The following TRIP11 variants were observed in gnomAD, a reference collection of about 807,000 sequenced individuals.
The protein encoded by TRIP11 is thyroid receptor-interacting protein 11.
Under a neutral mutation model 223.1 loss-of-function variants are expected in TRIP11, and 148 were observed. The observed-to-expected ratio is 0.66, with a 90% CI of 0.58 to 0.76. TRIP11 has a LOEUF of 0.76. TRIP11 is among the 30% of genes least tolerant of loss of function. The probability of loss-of-function intolerance (pLI) is 0.00; values close to 1 mark genes in which losing one functional copy is unlikely to be tolerated. For synonymous variants in TRIP11, 762 were observed against 772.6 expected (o/e 0.99, Z 0.23); for missense variants, 2,043 against 2,222.0 (o/e 0.92, Z 1.62).
chr14:91,992,496 A>G (rs1244564406), intron 15 of TRIP11, among the ~76,000 whole-genome samples: 1 of 152,120 alleles, frequency 6.6e-6, no homozygotes, highest in African/African-American at 2.4e-5. Flanking sequence ...AAACTTTATT[A>G]GGAAGTATAT....
chr14:91,980,990 TTATATATA>T (rs200939525), intron 16 of TRIP11, among the ~76,000 whole-genome samples: 3 of 75,384 alleles, frequency 4.0e-5, no homozygotes, highest in Non-Finnish European at 5.1e-5. Context: ...TATATGTATA[TTATATATA>T]TATATATATA....
chr14:92,015,904 A>C, intron 5 of TRIP11, 43 bp from the exon 6 acceptor site: 1 of 1,516,530 alleles, frequency 6.6e-7, no homozygotes, highest in Non-Finnish European at 8.9e-7. Flanking sequence ...ATAATCAATA[A>C]ATTTATGTAA....
At position 92,007,777 on chromosome 14, in the gene TRIP11, T is replaced by G; in HGVS notation, c.1390A>C (p.Ser464Arg). ...AAGTCATGTAATTCTGAATCCAAAC[T>G]TATGTCTCTTGTAGCTGTACTTTTA... ...VIKSTATRDISLDSELHDLRL... is the reference protein window; with the variant it reads ...VIKSTATRDIRLDSELHDLRL... The change falls in exon 10 of 21, where the codon AGT becomes CGT. Residue 464 changes from serine to arginine, a missense_variant. By Grantham distance (110) the Ser-to-Arg change is moderately radical. Transcript: ENST00000267622. The G allele has an allele frequency of 6.2e-7, 1 of 1,613,710 alleles. No homozygotes were observed. Among genetic ancestry groups the G allele is most frequent in the Non-Finnish European group, 8.5e-7 (1 of 1,179,942 alleles).
In TRIP11 at chr14:91,969,289, T is replaced by A. The variant is rs886050900; in HGVS notation, c.*384A>T. On this transcript the variant is annotated 3_prime_UTR_variant, in exon 21 of 21. Coordinates refer to ENST00000267622, the MANE Select transcript of TRIP11 (RefSeq NM_004239.4). Reference sequence around the variant, plus strand: ...TACTAGTATTTTTTTATTCTTCGTTTAAAAAAAAAAAACACTCTCTTGATA... The same window carrying A: ...TACTAGTATTTTTTTATTCTTCGTTAAAAAAAAAAAAACACTCTCTTGATA... 3.0e-3 allele frequency: 801 copies of A among 263,180 alleles called. 4 individuals are homozygous for A. The highest frequency in any genetic ancestry group is 0.015 in the East Asian group (231 of 15,184). The allele number at this position is 263,180 out of a possible 1,614,324, so 16.3% of individuals were successfully genotyped here. A position where few individuals can be genotyped will look rare whatever the true frequency, so the allele number is the denominator to read the frequency against.
intron 13 of TRIP11, among the ~76,000 whole-genome samples, chr14:91,995,900 G>A (rs1319725235): frequency 2.0e-5 from 3 of 146,484 alleles, no homozygotes; most frequent in East Asian, 1.9e-4. Flanking sequence ...ACAGGCATGA[G>A]CCACCGCCCC....
At chr14:91,969,999 T>G (rs1014421280) in intron 20 of TRIP11, 106 bp from the exon 21 acceptor site, 30 of 1,131,700 alleles carry the variant, frequency 2.7e-5, no homozygotes, top group Non-Finnish European at 3.6e-5. Context: ...ATTGTTAAAT[T>G]GATTAGCATA....
intron 3 of TRIP11, 50 bp downstream of exon 3, chr14:92,025,256 ATACC>A: frequency 7.6e-7 from 1 of 1,313,156 alleles, no homozygotes; most frequent in South Asian, 1.2e-5. Flanking sequence ...CTCTAAAAAC[ATACC>A]TAAATACATT....
rs536952851 is a variant in TRIP11 at position 91,968,352 on chromosome 14, T to C, written c.*1321A>G. 2 of 204,858 alleles carry C rather than the reference T, an allele frequency of 9.8e-6. No individual in the cohort carries two copies. Among genetic ancestry groups the C allele is most frequent in the African/African-American group, 2.3e-5 (1 of 43,830 alleles). The allele number at this position is 204,858 out of a possible 1,614,324, so 12.7% of individuals were successfully genotyped here. A position where few individuals can be genotyped will look rare whatever the true frequency, so the allele number is the denominator to read the frequency against. On this transcript the variant is annotated 3_prime_UTR_variant, in exon 21 of 21. Coordinates refer to ENST00000267622, the MANE Select transcript of TRIP11 (RefSeq NM_004239.4). ...GTCGGGATTTTTTTTTTATGATGGG[T>C]TTATGAAAAATTAAAGAAATACTTT...
chr14:91,969,594 G>A lies in TRIP11; in HGVS notation c.*79C>T. 3.6e-6 allele frequency: 5 copies of A among 1,405,300 alleles called. No homozygotes were observed. In the South Asian group the frequency reaches 5.8e-5, roughly 16 times the overall value. 87.1% of individuals were successfully genotyped at this position (1,405,300 alleles called of 1,614,324 possible). A position where few individuals can be genotyped will look rare whatever the true frequency, so the allele number is the denominator to read the frequency against. On this transcript the variant is annotated 3_prime_UTR_variant, in exon 21 of 21. Coordinates refer to ENST00000267622, the MANE Select transcript of TRIP11 (RefSeq NM_004239.4). ...CAAATACATGACTTTCTCCCCAAAG[G>A]CCACTTTGTGATAAAGTACATACAT...
At chr14:92,018,829 C>A (rs867897141) in intron 4 of TRIP11, among the ~76,000 whole-genome samples, 1 of 151,402 alleles carries the variant, frequency 6.6e-6, no homozygotes, top group Non-Finnish European at 1.5e-5. Flanking sequence ...GGAGTGGTGG[C>A]GGGTGCCCGT....
intron 4 of TRIP11, 134 bp downstream of exon 4, chr14:92,021,422 C>T (rs533786645): frequency 1.8e-5 from 14 of 778,826 alleles, no homozygotes; most frequent in South Asian, 1.0e-4. Context: ...AAGTCACTGA[C>T]GGAATTAGAA....
chr14:92,031,078 C>T (rs1301196312), intron 2 of TRIP11, among the ~76,000 whole-genome samples: 1 of 151,762 alleles, frequency 6.6e-6, no homozygotes, highest in Non-Finnish European at 1.5e-5. Flanking sequence ...AGCAAGACAT[C>T]GTCTCTACAA....
rs757089565 is a variant in TRIP11 at position 92,006,054 on chromosome 14, T to C, written c.1922A>G (p.Asp641Gly). Reference protein sequence around the residue: ...LNQDSNSNFKDTLLKEREAEV... With the variant: ...LNQDSNSNFKGTLLKEREAEV... ...AGCTTCTCTTTCTTTAAGTAAGGTA[T>C]CCTTAAAATTACTATTAGAGTCTTG... Residue 641 changes from aspartate to glycine, a missense_variant, in exon 11 of 21, where the codon GAT becomes GGT. By Grantham distance (94) the Asp-to-Gly change is moderately conservative. Transcript: ENST00000267622. 18 of 1,581,450 alleles carry C rather than the reference T, an allele frequency of 1.1e-5. No individual in the cohort carries two copies. Among genetic ancestry groups the C allele is most frequent in the Admixed American group, 5.8e-5 (3 of 52,082 alleles).
At chr14:92,001,847 T>C (rs923382142) in intron 11 of TRIP11, among the ~76,000 whole-genome samples, 7 of 152,320 alleles carry the variant, frequency 4.6e-5, no homozygotes, top group Non-Finnish European at 1.0e-4. Flanking sequence ...ACATCAATTA[T>C]AGACCAGTAC....
chr14:91,984,236 C>T (rs1401721404), intron 16 of TRIP11, among the ~76,000 whole-genome samples: 1 of 152,064 alleles, frequency 6.6e-6, no homozygotes, highest in African/African-American at 2.4e-5. Flanking sequence ...ATAAAATTCA[C>T]CACCTTTCTG....
At chr14:92,025,509 T>TCCCCC (rs771312948) in intron 2 of TRIP11, 89 bp from the exon 3 acceptor site, 3 of 778,006 alleles carry the variant, frequency 3.9e-6, no homozygotes, top group Admixed American at 2.3e-5. Flanking sequence ...CGTACTGCTT[T>TCCCCC]CCCCCCCCAA....
At chr14:91,981,715 T>G (rs766491899) in intron 16 of TRIP11, among the ~76,000 whole-genome samples, 1 of 152,240 alleles carries the variant, frequency 6.6e-6, no homozygotes, top group African/African-American at 2.4e-5. Flanking sequence ...TTAACTCAAT[T>G]ATTTTCAACT....
rs190316469 is a variant in TRIP11, at chr14:92,025,388, T to C, written c.234A>G (p.Leu78=). Residue 78 remains leucine (L), a synonymous_variant, in exon 3 of 21, where the codon CTA becomes CTG. Transcript: ENST00000267622. ...TCTCTGATGCTTCATGTTTCTCTTC[T>C]AGATCAGTACAAAGTTTCTTAAGCC... The part of the protein sequence containing the change: ...NERLKKLCTD[L]EEKHEASEIQ... 143 of 1,613,252 alleles carry C rather than the reference T, an allele frequency of 8.9e-5. No homozygotes were observed. Among genetic ancestry groups the C allele is most frequent in the Non-Finnish European group, 5.9e-6 (7 of 1,179,884 alleles).
intron 16 of TRIP11, among the ~76,000 whole-genome samples, chr14:91,983,923 A>G (rs1358801662): frequency 6.6e-6 from 1 of 152,216 alleles, no homozygotes; most frequent in African/African-American, 2.4e-5. Flanking sequence ...CACGAAAAAT[A>G]TTTTAAGCTT....
Sources: gnomAD v4.1 joint callset for allele counts (sites outside exome capture counted in the v4.1 genomes callset) on GRCh38, gnomAD v4.1.1 for gene constraint, MANE v1.5 for transcripts, NCBI Gene and HGNC (gene_info 2026-07-23, HGNC 2026-07-21) for gene names.